Variants in CGGBP1 observed in about 807,000 individuals in gnomAD.
The protein encoded by CGGBP1 is CGG triplet repeat binding protein 1, also known as CGG triplet repeat-binding protein 1.
In CGGBP1, 4 loss-of-function variants were observed where a neutral mutation model predicts 11.4. The ratio of observed to expected loss-of-function variants is 0.35; its 90% CI spans 0.17 to 0.80. CGGBP1 has a LOEUF of 0.80. CGGBP1 is among the 30% of genes least tolerant of loss of function. The probability of loss-of-function intolerance (pLI) is 0.52; values close to 1 mark genes in which losing one functional copy is unlikely to be tolerated. For synonymous variants in CGGBP1, 76 were observed against 74.1 expected, an observed-to-expected ratio of 1.03 and a Z score of -0.13; for missense variants, 135 against 202.1, an observed-to-expected ratio of 0.67 and a Z score of 2.01.
At chr3:88,115,103 T>C (rs1160061243) in intron 2 of CGGBP1, among the ~76,000 whole-genome samples, 5 of 152,206 alleles carry the variant, frequency 3.3e-5, no homozygotes, top group African/African-American at 9.7e-5. Context: ...CATATTTTAA[T>C]GTACATAAAG....
intron 2 of CGGBP1, among the ~76,000 whole-genome samples, chr3:88,067,428 G>A (rs1422021271): frequency 6.6e-6 from 1 of 152,190 alleles, no homozygotes; most frequent in African/African-American, 2.4e-5. Flanking sequence ...CGTGTGGATG[G>A]TATTCGAAGT....
At chr3:88,123,123 C>A (rs367706050) in intron 2 of CGGBP1, among the ~76,000 whole-genome samples, 2 of 151,896 alleles carry the variant, frequency 1.3e-5, no homozygotes, top group East Asian at 3.9e-4. Flanking sequence ...TTATTCACTT[C>A]GAGGTTTTAA....
chr3:88,113,105 T>C (rs1449990977), intron 2 of CGGBP1: 5 of 1,519,492 alleles, frequency 3.3e-6, no homozygotes, highest in East Asian at 2.5e-5. Context: ...TATTCACTTA[T>C]TCTTTCTAGG....
At position 88,146,779 on chromosome 3, in the gene CGGBP1, T is replaced by A. The variant is rs186041628; in HGVS notation, c.-338+2932A>T. Among the ~76,000 whole-genome samples, 8 of 152,288 alleles carry A rather than the reference T, an allele frequency of 5.3e-5. No individual in the cohort carries two copies. The East Asian group carries it at 1.5e-3, about 29-fold the overall frequency. On this transcript the variant is annotated intron_variant, in intron 1 of 3. Transcript: ENST00000462901. ...TGTCCCATCTCATTCTTTGATTTAA[T>A]CCTTCCTAAGCATAACCACTTTGTC...
intron 2 of CGGBP1, chr3:88,139,767 T>G: frequency 6.4e-7 from 1 of 1,554,416 alleles, no homozygotes; most frequent in Non-Finnish European, 8.7e-7. Context: ...TGGGGATGAT[T>G]ATGAGGAGGA....
Position 88,094,092 on chromosome 3 carries a change from A to G in CGGBP1, c.-228-35869T>C, listed in dbSNP as rs373904236. ...TCTATTTCTTTGTCTTCTCTGAGGA[A>G]GAGATAATATTCTTTTTTTTTTTTG... On this transcript the variant is annotated intron_variant, in intron 2 of 3. Coordinates refer to the CGGBP1 transcript ENST00000462901. Among the ~76,000 whole-genome samples the G allele has an allele frequency of 2.6e-4, 35 of 134,794 alleles. 1 individual carries two copies. The South Asian group carries it at 6.6e-3, about 25-fold the overall frequency. 88.4% of individuals were successfully genotyped at this position (134,794 alleles called of 152,430 possible).
chr3:88,060,759 A>G (rs532318297), upstream of CGGBP1, among the ~76,000 whole-genome samples: 45 of 152,258 alleles, frequency 3.0e-4, no homozygotes, highest in South Asian at 7.5e-3. Flanking sequence ...ATTTCTTTCA[A>G]TGCTTGTAAG....
In CGGBP1 at chr3:88,129,035, C is replaced by T. The variant is rs1265993756; in HGVS notation, c.-229+11935G>A. The T allele has an allele frequency of 2.7e-6, 4 of 1,501,816 alleles. No homozygotes were observed. The African/African-American group carries it at 4.2e-5, about 16-fold the overall frequency. The allele number at this position is 1,501,816 out of a possible 1,614,324, so 93.0% of individuals were successfully genotyped here. A position where few individuals can be genotyped will look rare whatever the true frequency, so the allele number is the denominator to read the frequency against. The stretch of plus-strand genomic sequence containing the variant: ...AGGTATTGTTTGAGACTATTTTTGC[C>T]TATTACCATTTTAACCCTACCAAAA... On this transcript the variant is annotated intron_variant, in intron 2 of 3. Transcript: ENST00000462901.
chr3:88,130,403 G>GCC (rs1706378146), intron 2 of CGGBP1, among the ~76,000 whole-genome samples: 2 of 151,930 alleles, frequency 1.3e-5, no homozygotes, highest in African/African-American at 4.8e-5. Flanking sequence ...TAGCTTGAAG[G>GCC]CATATAGCTG....
chr3:88,059,098 T>C (rs1706677048), upstream of CGGBP1: 2 of 820,184 alleles, frequency 2.4e-6, no homozygotes, highest in Non-Finnish European at 3.7e-6. Context: ...TCACCAATAG[T>C]AGTGGAAAGG....
intron 1 of CGGBP1, among the ~76,000 whole-genome samples, chr3:88,147,172 CT>C (rs1707327479): frequency 6.6e-6 from 1 of 152,176 alleles, no homozygotes; most frequent in Non-Finnish European, 1.5e-5. Context: ...CATCACAGAG[CT>C]CATATTCTAC....
chr3:88,100,438 A>G (rs542435395), intron 2 of CGGBP1, among the ~76,000 whole-genome samples: 2 of 152,320 alleles, frequency 1.3e-5, no homozygotes. Flanking sequence ...ATGTAGAACT[A>G]GAAATACCAT....
intron 2 of CGGBP1, among the ~76,000 whole-genome samples, chr3:88,129,321 TAAAAAAAAAAAAAAA>T (rs11370327): frequency 5.2e-5 from 4 of 76,948 alleles, no homozygotes; most frequent in Non-Finnish European, 7.2e-5. Flanking sequence ...TTGCCAGGAG[TAAAAAAAAAAAAAAA>T]AAAAAAAAAC....
chr3:88,137,175 A>G (rs1173182142), intron 2 of CGGBP1, among the ~76,000 whole-genome samples: 1 of 133,870 alleles, frequency 7.5e-6, no homozygotes, highest in African/African-American at 2.8e-5. Flanking sequence ...AGCCTGGGTG[A>G]CAGTGCGAGA....
chr3:88,110,222 T>C (rs1705004762), intron 2 of CGGBP1, among the ~76,000 whole-genome samples: 1 of 152,164 alleles, frequency 6.6e-6, no homozygotes, highest in African/African-American at 2.4e-5. Flanking sequence ...AGTAACTTGC[T>C]CAGGGTTACT....
chr3:88,140,189 G>T (rs1707033274), intron 2 of CGGBP1: 2 of 1,613,686 alleles, frequency 1.2e-6, no homozygotes, highest in South Asian at 2.2e-5. Flanking sequence ...AAAGTCACAG[G>T]ATATTTCAGG....
At chr3:88,060,225 C>G (rs1352264145), upstream of CGGBP1, among the ~76,000 whole-genome samples, 1 of 151,824 alleles carries the variant, frequency 6.6e-6, no homozygotes, top group African/African-American at 2.4e-5. Context: ...TCACCAACCC[C>G]CCTCATCCTT....
Position 88,053,850 on chromosome 3 carries a change from A to C in CGGBP1, c.*1623T>G, listed in dbSNP as rs1023150818. 2.0e-5 allele frequency: 3 copies of C among 152,604 alleles called. No individual in the cohort carries two copies. Among genetic ancestry groups the C allele is most frequent in the Non-Finnish European group, 4.4e-5 (3 of 68,000 alleles). 9.5% of individuals were successfully genotyped at this position (152,604 alleles called of 1,614,324 possible). A position where few individuals can be genotyped will look rare whatever the true frequency, so the allele number is the denominator to read the frequency against. ...CATCAACGAGAGCACTACTCTAGGC[A>C]TGCATTTATCATACTACTTTAACAT... is the stretch of plus-strand genomic sequence containing the variant. On this transcript the variant is annotated 3_prime_UTR_variant, in exon 4 of 4. Coordinates refer to ENST00000482016, the MANE Select transcript of CGGBP1 (RefSeq NM_001008390.2).
intron 2 of CGGBP1, chr3:88,134,981 A>G (rs1205811111): frequency 1.9e-6 from 2 of 1,037,550 alleles, no homozygotes; most frequent in African/African-American, 1.7e-5. Flanking sequence ...CCAGGGCACT[A>G]TAGAATCAGG....
Sources: gnomAD v4.1 joint callset for allele counts (sites outside exome capture counted in the v4.1 genomes callset) on GRCh38, gnomAD v4.1.1 for gene constraint, MANE v1.5 for transcripts, NCBI Gene and HGNC (gene_info 2026-07-23, HGNC 2026-07-21) for gene names.